Variants in PRDM14 observed in about 807,000 individuals in gnomAD.
The protein encoded by PRDM14 is PR/SET domain 14.
Under a neutral mutation model 48.0 loss-of-function variants are expected in PRDM14, and 16 were observed. The ratio of observed to expected loss-of-function variants is 0.33; its 90% confidence interval spans 0.23 to 0.51. The LOEUF is 0.51. Among genes scored for constraint, PRDM14 ranks in the 20% least tolerant of loss-of-function variants. The probability of loss-of-function intolerance (pLI) is 0.97; values close to 1 mark genes in which losing one functional copy is unlikely to be tolerated. For synonymous variants in PRDM14, 264 were observed against 276.6 expected (o/e 0.95, Z 0.45); for missense variants, 566 against 719.6 (o/e 0.79, Z 2.44).
chr8:70,060,991 G>A (rs1010672192), intron 5 of PRDM14, among the ~76,000 whole-genome samples: 8 of 152,194 alleles, frequency 5.3e-5, no homozygotes, highest in African/African-American at 1.4e-4. Context: ...CAGGGTTACC[G>A]TGATGACTAA....
intron 1 of PRDM14, among the ~76,000 whole-genome samples, chr8:70,070,387 G>C (rs1428595507): frequency 6.6e-5 from 10 of 152,282 alleles, no homozygotes; most frequent in African/African-American, 1.9e-4. Flanking sequence ...AGCTCCAGGC[G>C]CTCCTGGGCC....
chr8:70,052,361 A>C, intron 7 of PRDM14, 57 bp from the exon 8 acceptor site: 1 of 1,376,074 alleles, frequency 7.3e-7, no homozygotes, highest in South Asian at 1.3e-5. Context: ...GAGCTGGACA[A>C]CCAATTAAAC....
intron 6 of PRDM14, 27 bp from the exon 7 acceptor site, chr8:70,055,428 G>T: frequency 8.0e-7 from 1 of 1,248,212 alleles, no homozygotes; most frequent in Non-Finnish European, 1.2e-6. Context: ...AAATATAGTT[G>T]AAATCACACC....
At position 70,069,481 on chromosome 8, in the gene PRDM14, T is replaced by G. The variant is rs1256399444; in HGVS notation, c.380A>C (p.Glu127Ala). 1 of 1,583,160 alleles carries G rather than the reference T, an allele frequency of 6.3e-7. No individual in the cohort carries two copies. Among genetic ancestry groups the G allele is most frequent in the Non-Finnish European group, 8.6e-7 (1 of 1,162,774 alleles). ...SSHEYAGASSEDLGHQIIGGD... is the reference protein window; with the variant it reads ...SSHEYAGASSADLGHQIIGGD... ...ACCAATGATTTGGTGGCCCAGATCT[T>G]CACTGCTGGCACCCGCGTACTCGTG... The change falls in exon 2 of 8, where the codon GAA (glutamate) becomes GCA (alanine). Residue 127 changes from glutamate to alanine, a missense_variant. Transcript: ENST00000276594.
chr8:70,064,699 G>C (rs1360613924), intron 5 of PRDM14, among the ~76,000 whole-genome samples: 1 of 150,650 alleles, frequency 6.6e-6, no homozygotes, highest in Non-Finnish European at 1.5e-5. Context: ...TAATTTTTTT[G>C]TATTTTTAGT....
intron 5 of PRDM14, among the ~76,000 whole-genome samples, chr8:70,064,312 T>C (rs555842156): frequency 6.6e-5 from 10 of 152,146 alleles, no homozygotes; most frequent in African/African-American, 2.4e-4. Context: ...GCTTCACTGT[T>C]CCCTGAGCCT....
intron 5 of PRDM14, among the ~76,000 whole-genome samples, chr8:70,064,032 C>T (rs368366889): frequency 1.1e-3 from 161 of 152,166 alleles, no homozygotes; most frequent in Non-Finnish European, 1.8e-3. Flanking sequence ...AAAGGATACT[C>T]AACCTGTATG....
rs936696739 is a variant in PRDM14, at chr8:70,069,099, A to G, written c.700+62T>C. The G allele has an allele frequency of 3.8e-6, 5 of 1,316,498 alleles. No individual in the cohort carries two copies. In the African/African-American group the frequency reaches 7.5e-5, roughly 20 times the overall value. 81.6% of individuals were successfully genotyped at this position (1,316,498 alleles called of 1,614,324 possible). A position where few individuals can be genotyped will look rare whatever the true frequency, so the allele number is the denominator to read the frequency against. ...CACCTGGAAGCGCCTCTTCCCGGAC[A>G]CTCCCGTTCCCGCCTGCATTCCCGT... On this transcript the variant is annotated intron_variant, in intron 2 of 7. Transcript: ENST00000276594.
chr8:70,063,936 C>A (rs1222367402), intron 5 of PRDM14, among the ~76,000 whole-genome samples: 1 of 152,154 alleles, frequency 6.6e-6, no homozygotes, highest in Non-Finnish European at 1.5e-5. Context: ...AGAATCCCAA[C>A]CATTTTTGCC....
chr8:70,054,070 C>T (rs939196729), intron 7 of PRDM14, among the ~76,000 whole-genome samples: 7 of 152,176 alleles, frequency 4.6e-5, no homozygotes, highest in Non-Finnish European at 8.8e-5. Flanking sequence ...TGATTAACCG[C>T]GAACTGCACA....
intron 5 of PRDM14, among the ~76,000 whole-genome samples, chr8:70,065,856 T>C (rs1805659096): frequency 6.6e-6 from 1 of 152,084 alleles, no homozygotes; most frequent in East Asian, 1.9e-4. Flanking sequence ...CAACCCACCA[T>C]TTGAAAAACA....
At chr8:70,068,090 A>T in intron 4 of PRDM14, 140 bp downstream of exon 4, 1 of 910,482 alleles carries the variant, frequency 1.1e-6, no homozygotes, top group East Asian at 2.4e-5. Context: ...TTCCTTTTAC[A>T]GGCAACACAA....
intron 7 of PRDM14, among the ~76,000 whole-genome samples, chr8:70,054,230 C>T (rs1203454211): frequency 6.6e-6 from 1 of 152,178 alleles, no homozygotes. Flanking sequence ...TTCTGCAATG[C>T]TCCTATAGAA....
At chr8:70,070,716 C>A (rs956317240) in intron 1 of PRDM14, among the ~76,000 whole-genome samples, 6 of 152,318 alleles carry the variant, frequency 3.9e-5, no homozygotes, top group East Asian at 1.9e-4. Flanking sequence ...CGAGCCCTGG[C>A]CAGGTGGGAG....
intron 4 of PRDM14, among the ~76,000 whole-genome samples, chr8:70,067,518 A>G (rs1805688639): frequency 6.7e-6 from 1 of 148,784 alleles, no homozygotes; most frequent in Non-Finnish European, 1.5e-5. Context: ...ACTCCGTCTC[A>G]AGAAAAAAAA....
intron 6 of PRDM14, among the ~76,000 whole-genome samples, chr8:70,057,425 G>T (rs1585648558): frequency 6.6e-6 from 1 of 151,890 alleles, no homozygotes; most frequent in East Asian, 1.9e-4. Flanking sequence ...CGCCTCTGGG[G>T]TTGAAGCAAT....
chr8:70,066,174 A>G lies in PRDM14; in HGVS notation c.1183+61T>C, dbSNP rs558882091. On this transcript the variant is annotated intron_variant, in intron 5 of 7. Coordinates refer to ENST00000276594, the MANE Select transcript of PRDM14 (RefSeq NM_024504.4). ...GGAGCTGTGCATGGAGGGTTTGTGG[A>G]AAAGAGCCCAGTCCTTCTACTGGGA... 115 of 1,560,366 alleles carry G rather than the reference A, an allele frequency of 7.4e-5. No homozygotes were observed. The South Asian group carries it at 1.3e-3, about 17-fold the overall frequency.
At chr8:70,053,570 G>T (rs1247086493) in intron 7 of PRDM14, among the ~76,000 whole-genome samples, 1 of 152,080 alleles carries the variant, frequency 6.6e-6, no homozygotes, top group Non-Finnish European at 1.5e-5. Flanking sequence ...TCTATTTTTA[G>T]TAGAGATGGT....
intron 4 of PRDM14, among the ~76,000 whole-genome samples, chr8:70,067,520 GAAAAAAAAAACAAA>G (rs1473417021): frequency 4.9e-5 from 4 of 81,342 alleles, no homozygotes; most frequent in South Asian, 3.7e-4. Flanking sequence ...TCCGTCTCAA[GAAAAAAAAAACAAA>G]AAAAAAAAAA....
Sources: gnomAD v4.1 joint callset for allele counts (sites outside exome capture counted in the v4.1 genomes callset) on GRCh38, gnomAD v4.1.1 for gene constraint, MANE v1.5 for transcripts, NCBI Gene and HGNC (gene_info 2026-07-23, HGNC 2026-07-21) for gene names.